NBAS: variants seen among roughly 807,000 people sequenced by gnomAD.
NBAS encodes the protein NBAS subunit of NRZ tethering complex.
A neutral mutation model predicts 302.5 loss-of-function variants in NBAS; 219 were observed. The ratio of observed to expected loss-of-function variants is 0.72; its 90% CI spans 0.65 to 0.81. The LOEUF is 0.81. NBAS is among the 30% of genes least tolerant of loss of function. The pLI is 0.00. For synonymous variants in NBAS, 1,118 were observed against 1,021.6 expected, an observed-to-expected ratio of 1.09 and a Z score of -1.80; for missense variants, 2,932 against 2,841.6, an observed-to-expected ratio of 1.03 and a Z score of -0.72.
chr2:14,997,227 C>T, the NBAS span, among the ~76,000 whole-genome samples: 1 of 152,084 alleles, frequency 6.6e-6, no homozygotes, highest in Non-Finnish European at 1.5e-5. Flanking sequence ...TGGGCTTAAT[C>T]CCTGGGTGAT....
the NBAS span, among the ~76,000 whole-genome samples, chr2:15,074,884 G>A: frequency 2.2e-3 from 342 of 152,322 alleles, 1 homozygote; most frequent in Admixed American, 5.2e-3. Flanking sequence ...TGAACTCAGA[G>A]TGAAAAAATC....
At chr2:14,836,412 T>G in the NBAS span, among the ~76,000 whole-genome samples, 2 of 151,918 alleles carry the variant, frequency 1.3e-5, no homozygotes, top group African/African-American at 4.8e-5. Context: ...AATTTGAGTA[T>G]TTTGACTCTC....
At chr2:15,204,846 C>A (rs997150125) in intron 48 of NBAS, among the ~76,000 whole-genome samples, 2 of 152,048 alleles carry the variant, frequency 1.3e-5, no homozygotes, top group Non-Finnish European at 1.5e-5. Flanking sequence ...ACATCATACA[C>A]TGGGGCCTGT....
Position 15,475,892 on chromosome 2 carries a change from AAAAC to A in NBAS, c.1148-16_1148-13del, listed in dbSNP as rs943995620. 3.1e-6 allele frequency: 5 copies of A among 1,599,238 alleles called. No homozygotes were observed. Among genetic ancestry groups the A allele is most frequent in the Non-Finnish European group, 4.3e-6 (5 of 1,167,606 alleles). On this transcript the variant is annotated splice_polypyrimidine_tract_variant and intron_variant, in intron 13 of 51. Transcript: ENST00000281513. ...AAAGGACTCTTTATCTAAGAAGCGA[AAAAC>A]AAATCAATACAAATGCATCTGCTAA...
chr2:14,872,517 T>A, the NBAS span, among the ~76,000 whole-genome samples: 1 of 152,232 alleles, frequency 6.6e-6, no homozygotes, highest in African/African-American at 2.4e-5. Flanking sequence ...TCTCACTGAC[T>A]TCAAGAGAGT....
rs556940270 is a variant in NBAS at position 15,558,612 on chromosome 2, C to T, written c.140G>A (p.Gly47Asp). The T allele has an allele frequency of 5.7e-5, 92 of 1,612,930 alleles. No individual in the cohort carries two copies. Among genetic ancestry groups the T allele is most frequent in the Admixed American group, 1.0e-4 (6 of 59,964 alleles). ...TGCTTTCGTGATGATAAAGGATGCA[C>T]CATGTTTTTGGTTGCCTCTAGGCTG... is the stretch of plus-strand genomic sequence containing the variant. ...EVQPRGNQKH[G>D]ASFIITKAIR... is the part of the protein sequence containing the mutation. Residue 47 changes from glycine to aspartate, a missense_variant, in exon 2 of 52, where the codon GGT becomes GAT. Transcript: ENST00000281513.
chr2:14,868,122 A>G, the NBAS span, among the ~76,000 whole-genome samples: 1 of 152,172 alleles, frequency 6.6e-6, no homozygotes. Flanking sequence ...AATCAATGAG[A>G]CTGAAGGTCA....
chr2:15,451,599 T>C (rs567352733), intron 21 of NBAS, among the ~76,000 whole-genome samples: 128 of 152,314 alleles, frequency 8.4e-4, no homozygotes, highest in African/African-American at 2.5e-3. Context: ...AGTGAATCAA[T>C]TTGACCTAAA....
chr2:15,462,981 C>T (rs1679570925), intron 19 of NBAS, among the ~76,000 whole-genome samples: 1 of 152,164 alleles, frequency 6.6e-6, no homozygotes, highest in African/African-American at 2.4e-5. Context: ...AAGTATTTCA[C>T]AGATGTTCCA....
chr2:15,200,927 T>G (rs2147829066), intron 48 of NBAS, among the ~76,000 whole-genome samples: 1 of 152,362 alleles, frequency 6.6e-6, no homozygotes, highest in South Asian at 2.1e-4. Flanking sequence ...GACAGTTGCT[T>G]ATTTTATCTT....
chr2:14,848,139 G>C, the NBAS span, among the ~76,000 whole-genome samples: 7 of 152,008 alleles, frequency 4.6e-5, no homozygotes, highest in Non-Finnish European at 1.0e-4. Context: ...CAGAAGACGG[G>C]TGATTTCTGC....
downstream of NBAS, among the ~76,000 whole-genome samples, chr2:15,162,318 C>T (rs1279447300): frequency 2.0e-5 from 3 of 152,148 alleles, no homozygotes; most frequent in African/African-American, 2.4e-5. Flanking sequence ...CATCAGGATA[C>T]CCCCAGCTTC....
the NBAS span, among the ~76,000 whole-genome samples, chr2:14,832,720 C>T: frequency 2.6e-5 from 4 of 152,096 alleles, no homozygotes; most frequent in African/African-American, 4.8e-5. Flanking sequence ...ATACATCTCC[C>T]GTTACATGCA....
intron 35 of NBAS, among the ~76,000 whole-genome samples, chr2:15,337,488 A>G (rs1168688912): frequency 1.3e-5 from 2 of 152,180 alleles, no homozygotes; most frequent in African/African-American, 4.8e-5. Context: ...AAAAAAAAGA[A>G]AAGAAAAATG....
intron 23 of NBAS, among the ~76,000 whole-genome samples, chr2:15,420,030 T>C (rs1250507944): frequency 6.6e-6 from 1 of 152,100 alleles, no homozygotes; most frequent in African/African-American, 2.4e-5. Context: ...TATTTGACAA[T>C]TGTCAGCACA....
chr2:14,780,510 A>G, the NBAS span, among the ~76,000 whole-genome samples: 1 of 152,258 alleles, frequency 6.6e-6, no homozygotes, highest in African/African-American at 2.4e-5. Flanking sequence ...ACATAAGCAT[A>G]AAAGTTCTTT....
chr2:15,294,068 T>C (rs2148116995), intron 40 of NBAS, among the ~76,000 whole-genome samples: 1 of 152,342 alleles, frequency 6.6e-6, no homozygotes, highest in Middle Eastern at 3.4e-3. Flanking sequence ...GCACCTGTTA[T>C]GTAACAAGTC....
the NBAS span, among the ~76,000 whole-genome samples, chr2:15,161,628 C>A: frequency 6.6e-6 from 1 of 152,202 alleles, no homozygotes; most frequent in South Asian, 2.1e-4. Flanking sequence ...GGCCTCCACA[C>A]CTGAGCCTGG....
chr2:15,108,379 A>G, the NBAS span, among the ~76,000 whole-genome samples: 2 of 152,136 alleles, frequency 1.3e-5, no homozygotes, highest in African/African-American at 4.8e-5. Flanking sequence ...CAAACAGCCA[A>G]TAAGGATGGA....
Sources: gnomAD v4.1 joint callset for allele counts (sites outside exome capture counted in the v4.1 genomes callset) on GRCh38, gnomAD v4.1.1 for gene constraint, MANE v1.5 for transcripts, NCBI Gene and HGNC (gene_info 2026-07-23, HGNC 2026-07-21) for gene names.